The following ACSL5 variants were observed in gnomAD, a reference collection of about 807,000 sequenced individuals.
ACSL5 encodes long-chain-fatty-acid--CoA ligase 5.
In ACSL5, 50 loss-of-function variants were observed where a neutral mutation model predicts 84.9. The observed-to-expected ratio is 0.59, with a 90% confidence interval of 0.47 to 0.75. The LOEUF (loss-of-function observed/expected upper bound fraction) is 0.75, where lower values mean the gene tolerates loss of function less well. ACSL5 is among the 30% of genes least tolerant of loss of function. The probability of loss-of-function intolerance (pLI) is 0.00; values close to 1 mark genes in which losing one functional copy is unlikely to be tolerated. For missense variants in ACSL5, 775 were observed against 830.4 expected (o/e 0.93, Z 0.82); for synonymous variants, 280 against 300.7 (o/e 0.93, Z 0.71).
chr10:112,385,773 C>T (rs1332045296), intron 1 of ACSL5, among the ~76,000 whole-genome samples: 1 of 152,128 alleles, frequency 6.6e-6, no homozygotes, highest in Non-Finnish European at 1.5e-5. Context: ...TCTCTGGTAT[C>T]TTTTCTGCGG....
rs1321446567 is a variant in ACSL5, at chr10:112,411,550, G to C, written c.870+21G>C. 5.6e-6 allele frequency: 9 copies of C among 1,599,362 alleles called. No homozygotes were observed. The Middle Eastern group carries it at 5.0e-4, about 88-fold the overall frequency. ...TGGAGGTCAGTGGTCAGTTGAAAAA[G>C]AGGCTCTCATTAAAATGTGAATCTG... On this transcript the variant is annotated intron_variant, in intron 10 of 20. Coordinates refer to ENST00000354655, the MANE Select transcript of ACSL5 (RefSeq NM_203379.2).
intron 12 of ACSL5, among the ~76,000 whole-genome samples, chr10:112,415,594 G>A (rs935578825): frequency 7.2e-5 from 11 of 152,210 alleles, no homozygotes; most frequent in African/African-American, 1.9e-4. Flanking sequence ...AAGCATTTGA[G>A]CATGGATCTT....
In ACSL5 at chr10:112,417,894, A is replaced by G; in HGVS notation, c.1267A>G (p.Met423Val). The change falls in exon 14 of 21, where the codon ATG becomes GTG. Residue 423 changes from methionine (M) to valine (V), a missense_variant. Met to Val is a conservative substitution (Grantham distance 21). Transcript: ENST00000354655. ...TGTAATTGTCACTGGAGCTGCCCCC[A>G]TGTCCACTTCAGTCATGACATTCTT... is the stretch of plus-strand genomic sequence containing the variant. ...VRVIVTGAAP[M>V]STSVMTFFRA... is the part of the protein sequence containing the mutation. 6.2e-7 allele frequency: 1 copy of G among 1,613,972 alleles called. No individual in the cohort carries two copies. Among genetic ancestry groups the G allele is most frequent in the Non-Finnish European group, 8.5e-7 (1 of 1,179,954 alleles).
At chr10:112,387,978 A>G (rs1248888705) in intron 1 of ACSL5, among the ~76,000 whole-genome samples, 10 of 123,724 alleles carry the variant, frequency 8.1e-5, no homozygotes, top group Non-Finnish European at 1.4e-4. Context: ...TTGCTCTGTC[A>G]CCCAGGCTGG....
In ACSL5 at chr10:112,425,443, C is replaced by A. The variant is rs771141790; in HGVS notation, c.1699C>A (p.Pro567Thr). ...KIENIYNRSQ[P>T]VLQIFVHGES... Reference sequence around the variant, plus strand: ...AGAAAATATCTACAACAGGAGTCAACCAGTGTTACAAATTTTTGTACACGG... The same window carrying A: ...AGAAAATATCTACAACAGGAGTCAAACAGTGTTACAAATTTTTGTACACGG... The change falls in exon 18 of 21, where the codon CCA (proline) becomes ACA (threonine). Residue 567 changes from proline (P) to threonine (T), a missense_variant. Coordinates refer to ENST00000354655, the MANE Select transcript of ACSL5 (RefSeq NM_203379.2). 6.2e-7 allele frequency: 1 copy of A among 1,612,908 alleles called. No individual in the cohort carries two copies. Among genetic ancestry groups the A allele is most frequent in the Admixed American group, 1.7e-5 (1 of 59,840 alleles).
chr10:112,413,950 A>G (rs368675690), intron 12 of ACSL5, among the ~76,000 whole-genome samples: 3 of 152,230 alleles, frequency 2.0e-5, no homozygotes, highest in African/African-American at 7.2e-5. Context: ...ACAAAATCAT[A>G]GTAAATCATA....
chr10:112,385,702 T>G (rs1377263778), intron 1 of ACSL5, among the ~76,000 whole-genome samples: 2 of 152,216 alleles, frequency 1.3e-5, no homozygotes, highest in Admixed American at 6.5e-5. Flanking sequence ...AGTTTCTTAT[T>G]AAAGAAATTA....
intron 9 of ACSL5, 116 bp from the exon 10 acceptor site, chr10:112,411,340 C>G: frequency 1.2e-6 from 1 of 814,134 alleles, no homozygotes; most frequent in Admixed American, 2.2e-5. Context: ...GACACAGTGA[C>G]AGGAAATGCT....
intron 3 of ACSL5, among the ~76,000 whole-genome samples, chr10:112,401,798 T>C (rs551454544): frequency 3.0e-5 from 2 of 67,266 alleles, no homozygotes; most frequent in African/African-American, 5.2e-5. Flanking sequence ...CTTTCTTTCT[T>C]TCTTTCTTTC....
At chr10:112,412,040 T>C in intron 11 of ACSL5, 61 bp downstream of exon 11, 1 of 1,481,390 alleles carries the variant, frequency 6.8e-7, no homozygotes, top group South Asian at 1.1e-5. Context: ...TATCACATGT[T>C]TATTCCAAAG....
At chr10:112,424,970 C>G (rs537818688) in intron 17 of ACSL5, 1 of 159,014 alleles carries the variant, frequency 6.3e-6, no homozygotes, top group South Asian at 2.0e-4. Context: ...AAAGTCTAAA[C>G]AAAAGACAAC....
At chr10:112,399,064 ATC>A in intron 3 of ACSL5, 55 bp downstream of exon 3, 1 of 1,446,712 alleles carries the variant, frequency 6.9e-7, no homozygotes, top group South Asian at 1.1e-5. Flanking sequence ...TCTGTGGCCC[ATC>A]TCTCTTTCTC....
intron 1 of ACSL5, among the ~76,000 whole-genome samples, chr10:112,393,495 G>T (rs1214679653): frequency 2.6e-5 from 4 of 152,210 alleles, no homozygotes; most frequent in Admixed American, 6.5e-5. Context: ...TTAGACTAGA[G>T]TGAAGTGTGT....
intron 6 of ACSL5, 193 bp from the exon 7 acceptor site, chr10:112,409,314 G>A (rs934006452): frequency 5.3e-6 from 3 of 568,694 alleles, no homozygotes; most frequent in African/African-American, 3.8e-5. Flanking sequence ...AAGAACATGT[G>A]CTTCTGTTTC....
At chr10:112,404,892 A>G (rs1424402893) in intron 5 of ACSL5, 86 bp downstream of exon 5, 5 of 1,148,360 alleles carry the variant, frequency 4.4e-6, no homozygotes, top group African/African-American at 1.6e-5. Context: ...GCATTCCAAC[A>G]CTTGTTAATG....
intron 11 of ACSL5, chr10:112,412,404 G>A (rs1398660365): frequency 1.2e-5 from 2 of 170,598 alleles, no homozygotes; most frequent in African/African-American, 4.8e-5. Flanking sequence ...TACATAAGGT[G>A]TGAGATGTCC....
intron 2 of ACSL5, among the ~76,000 whole-genome samples, chr10:112,398,426 A>C (rs1419874697): frequency 6.7e-6 from 1 of 148,756 alleles, no homozygotes; most frequent in African/African-American, 2.5e-5. Flanking sequence ...TTTTTCTGAG[A>C]CGGAGTCTCA....
At chr10:112,404,883 C>A in intron 5 of ACSL5, 77 bp downstream of exon 5, 1 of 1,258,702 alleles carries the variant, frequency 7.9e-7, no homozygotes, top group South Asian at 1.3e-5. Context: ...CCCCGTCCAG[C>A]ATTCCAACAC....
intron 14 of ACSL5, 70 bp from the exon 15 acceptor site, chr10:112,421,523 T>C: frequency 7.1e-7 from 1 of 1,406,600 alleles, no homozygotes. Flanking sequence ...TCCTCGTGTC[T>C]TGACCATAGC....
Sources: allele counts gnomAD v4.1 joint callset (sites outside exome capture counted in the v4.1 genomes callset), GRCh38; gene constraint gnomAD v4.1.1; transcripts MANE v1.5; gene names NCBI Gene and HGNC (gene_info 2026-07-23, HGNC 2026-07-21).